SMYD2: variants seen among roughly 807,000 people sequenced by gnomAD.
SMYD2 encodes the protein N-lysine methyltransferase SMYD2.
In SMYD2, 53 loss-of-function variants were observed where a neutral mutation model predicts 59.1. That is an observed-to-expected ratio of 0.90 (90% CI 0.72 to 1.13). The LOEUF (loss-of-function observed/expected upper bound fraction) is 1.13. Ranked by LOEUF, SMYD2 falls within the 50% of genes most tolerant of loss-of-function variation. The pLI is 0.00. For missense variants in SMYD2, 494 were observed against 544.7 expected (o/e 0.91, Z 0.93); for synonymous variants, 208 against 198.8 (o/e 1.05, Z -0.39).
intron 6 of SMYD2, among the ~76,000 whole-genome samples, chr1:214,325,314 A>G (rs996024091): frequency 6.6e-6 from 1 of 152,270 alleles, no homozygotes; most frequent in Non-Finnish European, 1.5e-5. Flanking sequence ...ATGGATTGCC[A>G]AGAATGATTT....
chr1:214,312,858 C>G lies in SMYD2; in HGVS notation c.238-1904C>G, dbSNP rs886308495. On this transcript the variant is annotated intron_variant, in intron 2 of 11. Coordinates refer to ENST00000366957, the MANE Select transcript of SMYD2 (RefSeq NM_020197.3). The surrounding 1 kb of genome is among the most constrained non-coding windows in gnomAD (Gnocchi z 4.1). ...GTTTTGAGCTGAGGACTGGCCTGAT[C>G]CGAGTTTTGTCAACAGAATCCCTCA... Among the ~76,000 whole-genome samples, 6 of 152,208 alleles carry G rather than the reference C, an allele frequency of 3.9e-5. No homozygotes were observed. The highest frequency in any genetic ancestry group is 1.4e-4 in the African/African-American group (6 of 41,440).
At chr1:214,321,751 C>G (rs918968881) in intron 5 of SMYD2, among the ~76,000 whole-genome samples, 4 of 152,316 alleles carry the variant, frequency 2.6e-5, no homozygotes, top group African/African-American at 9.6e-5. Flanking sequence ...ATGAGAATAG[C>G]TTTTGCAAGG....
chr1:214,289,040 A>G (rs1000034019), intron 1 of SMYD2, among the ~76,000 whole-genome samples: 5 of 151,170 alleles, frequency 3.3e-5, no homozygotes, highest in Non-Finnish European at 7.4e-5. Flanking sequence ...GTGCAGCTAT[A>G]GGAGGCAGCC....
chr1:214,281,829 A>G (rs1656455055), intron 1 of SMYD2, among the ~76,000 whole-genome samples: 1 of 152,180 alleles, frequency 6.6e-6, no homozygotes, highest in African/African-American at 2.4e-5. Flanking sequence ...GTCACCTTTA[A>G]CTTATGCTTC....
At chr1:214,333,370 C>G (rs1040965522) in intron 10 of SMYD2, 1 of 152,304 alleles carries the variant, frequency 6.6e-6, no homozygotes. Flanking sequence ...AAGCCCAGCT[C>G]TGGTCTTCTG....
chr1:214,334,238 T>C lies in SMYD2; in HGVS notation c.1151T>C (p.Met384Thr). The C allele has an allele frequency of 6.2e-7, 1 of 1,613,952 alleles. No homozygotes were observed. Among genetic ancestry groups the C allele is most frequent in the South Asian group, 1.1e-5 (1 of 91,070 alleles). ...YPLYSLNVAS[M>T]WLKLGRLYMG... ...TTGTACTCCCTCAACGTGGCCTCCATGTGGTTGAAGCTAGGGAGACTCTAC... is the reference window on the plus strand; with the variant it reads ...TTGTACTCCCTCAACGTGGCCTCCACGTGGTTGAAGCTAGGGAGACTCTAC... The change falls in exon 11 of 12, where the codon ATG (methionine) becomes ACG (threonine). Residue 384 changes from methionine (M) to threonine (T), a missense_variant. By Grantham distance (81) the Met-to-Thr change is moderately conservative (BLOSUM62 -1). Transcript: ENST00000366957.
chr1:214,303,182 A>G (rs1343309164), intron 1 of SMYD2, among the ~76,000 whole-genome samples: 1 of 152,110 alleles, frequency 6.6e-6, no homozygotes, highest in East Asian at 1.9e-4. Context: ...GACTTTTTGG[A>G]TAGACATTTT....
intron 1 of SMYD2, among the ~76,000 whole-genome samples, chr1:214,293,980 ATT>A (rs77613213): frequency 6.9e-6 from 1 of 144,308 alleles, no homozygotes; most frequent in African/African-American, 2.5e-5. Context: ...CCAGCCACTC[ATT>A]TTTTTTTTTT....
At position 214,328,272 on chromosome 1, in the gene SMYD2, C is replaced by T. The variant is rs1657294596; in HGVS notation, c.705+548C>T. 3.3e-5 allele frequency among the ~76,000 whole-genome samples: 5 copies of T among 152,328 alleles called. No individual in the cohort carries two copies. In the South Asian group the frequency reaches 1.0e-3, roughly 32 times the overall value. On this transcript the variant is annotated intron_variant, in intron 7 of 11. Transcript: ENST00000366957. ...GTGTTCTATCAGTTCCACATCTGAA[C>T]TTCAGGTCGCAGTTCACTTTTTAGG...
chr1:214,289,764 T>C (rs1656607934), intron 1 of SMYD2, among the ~76,000 whole-genome samples: 1 of 152,240 alleles, frequency 6.6e-6, no homozygotes, highest in African/African-American at 2.4e-5. Flanking sequence ...AGCGTTTTTC[T>C]GTGGCTGTGT....
At chr1:214,330,484 C>G (rs1657334327) in intron 8 of SMYD2, among the ~76,000 whole-genome samples, 1 of 152,196 alleles carries the variant, frequency 6.6e-6, no homozygotes, top group Non-Finnish European at 1.5e-5. Flanking sequence ...TTCCATTACA[C>G]TGTACAAACA....
In SMYD2 at chr1:214,312,109, T is replaced by G. The variant is rs893355547; in HGVS notation, c.238-2653T>G. Among the ~76,000 whole-genome samples the G allele has an allele frequency of 2.0e-5, 3 of 152,246 alleles. No individual in the cohort carries two copies. The highest frequency in any genetic ancestry group is 4.4e-5 in the Non-Finnish European group (3 of 68,040). ...GGCTAAAAACAGATTCTCTTCTCCC[T>G]TGTGCATATCTTGTCATTTCTTTTC... is the stretch of plus-strand genomic sequence containing the variant. On this transcript the variant is annotated intron_variant, in intron 2 of 11. Coordinates refer to ENST00000366957, the MANE Select transcript of SMYD2 (RefSeq NM_020197.3). The surrounding 1 kb of genome is among the most constrained non-coding windows in gnomAD (Gnocchi z 4.1).
intron 10 of SMYD2, 116 bp from the exon 11 acceptor site, chr1:214,334,084 C>G: frequency 1.2e-6 from 1 of 831,438 alleles, no homozygotes. Flanking sequence ...TTGGAGAGGC[C>G]GCTGGTGGGC....
intron 10 of SMYD2, 184 bp downstream of exon 10, chr1:214,332,376 T>G: frequency 1.6e-6 from 1 of 610,100 alleles, no homozygotes; most frequent in Non-Finnish European, 2.8e-6. Flanking sequence ...CTCACCATCA[T>G]CCCAAGGAGA....
In SMYD2 at chr1:214,309,044, G is replaced by A. The variant is rs74139825; in HGVS notation, c.237+3794G>A. 4.3e-3 allele frequency among the ~76,000 whole-genome samples: 649 copies of A among 152,278 alleles called. 6 individuals are homozygous for A. The highest frequency in any genetic ancestry group is 0.014 in the African/African-American group (599 of 41,558). Reference sequence around the variant, plus strand: ...CTTCCTGGGGATTTCCTCTTTACATGGAGTAAGGCTTCTTAGGGGATCCTA... The same window carrying A: ...CTTCCTGGGGATTTCCTCTTTACATAGAGTAAGGCTTCTTAGGGGATCCTA... On this transcript the variant is annotated intron_variant, in intron 2 of 11. Transcript: ENST00000366957.
chr1:214,297,431 G>T (rs919229279), intron 1 of SMYD2, among the ~76,000 whole-genome samples: 1 of 151,658 alleles, frequency 6.6e-6, no homozygotes, highest in Non-Finnish European at 1.5e-5. Flanking sequence ...TGTGTCTTTT[G>T]TAGGAACGGA....
intron 2 of SMYD2, among the ~76,000 whole-genome samples, chr1:214,310,108 G>A (rs1319175918): frequency 6.6e-6 from 1 of 152,170 alleles, no homozygotes; most frequent in Non-Finnish European, 1.5e-5. Context: ...TCTCCTTATC[G>A]AGGAAGGCAA....
At position 214,281,401 on chromosome 1, in the gene SMYD2, C is replaced by T. The variant is rs1656440404; in HGVS notation, c.147C>T (p.Gly49=). 2 of 1,461,692 alleles carry T rather than the reference C, an allele frequency of 1.4e-6. No individual in the cohort carries two copies. Among genetic ancestry groups the T allele is most frequent in the East Asian group, 2.8e-5 (1 of 36,128 alleles). 90.5% of individuals were successfully genotyped at this position (1,461,692 alleles called of 1,614,324 possible). The change falls in exon 1 of 12, where the codon GGC becomes GGT. Residue 49 remains glycine, a synonymous_variant. Transcript: ENST00000366957. ...ACGTGCTCACGGTCAACGAGCGGGGCAACCACTGCGAGTACTGCTTCACCA... is the reference window on the plus strand; with the variant it reads ...ACGTGCTCACGGTCAACGAGCGGGGTAACCACTGCGAGTACTGCTTCACCA... ...YAYVLTVNER[G]NHCEYCFTRK...
At chr1:214,334,377 C>A in intron 11 of SMYD2, 69 bp downstream of exon 11, 1 of 1,370,394 alleles carries the variant, frequency 7.3e-7, no homozygotes, top group Non-Finnish European at 1.0e-6. Flanking sequence ...TCCTTCATGC[C>A]TCACCAGGCT....
Sources: gnomAD v4.1 joint callset for allele counts (sites outside exome capture counted in the v4.1 genomes callset) on GRCh38, gnomAD v4.1.1 for gene constraint, Gnocchi (gnomAD v3.1) non-coding constraint, MANE v1.5 for transcripts, NCBI Gene and HGNC (gene_info 2026-07-23, HGNC 2026-07-21) for gene names.